IL20RA: variants seen among roughly 807,000 people sequenced by gnomAD.
The protein encoded by IL20RA is interleukin-20 receptor subunit alpha.
IL20RA carries 29 observed loss-of-function variants against 36.5 expected under a neutral mutation model. The ratio of observed to expected loss-of-function variants is 0.79; its 90% CI spans 0.59 to 1.08. The LOEUF (loss-of-function observed/expected upper bound fraction) is 1.08. Among genes scored for constraint, IL20RA ranks in the 50% least tolerant of loss-of-function variants. The pLI is 0.00. For synonymous variants in IL20RA, 279 were observed against 267.1 expected (o/e 1.04, Z -0.43); for missense variants, 652 against 668.4 (o/e 0.98, Z 0.27).
intron 6 of IL20RA, 80 bp from the exon 7 acceptor site, chr6:137,002,435 T>A: frequency 1.1e-6 from 1 of 916,102 alleles, no homozygotes. Context: ...GAATATCTTG[T>A]CACCAGACAG....
chr6:137,002,664 T>C (rs1200070204), intron 6 of IL20RA, among the ~76,000 whole-genome samples: 1 of 152,210 alleles, frequency 6.6e-6, no homozygotes, highest in Non-Finnish European at 1.5e-5. Context: ...TTTCTTGACC[T>C]TTTTTACATT....
intron 1 of IL20RA, among the ~76,000 whole-genome samples, chr6:137,043,754 AG>A (rs1461080102): frequency 6.6e-6 from 1 of 152,210 alleles, no homozygotes; most frequent in Non-Finnish European, 1.5e-5. Flanking sequence ...GTGTCTACAA[AG>A]CACAGTATTT....
chr6:137,013,951 C>T (rs1478769404), intron 2 of IL20RA, among the ~76,000 whole-genome samples: 1 of 152,234 alleles, frequency 6.6e-6, no homozygotes, highest in African/African-American at 2.4e-5. Context: ...GATCTGCTCA[C>T]ACGAAGCAGT....
intron 6 of IL20RA, among the ~76,000 whole-genome samples, chr6:137,002,791 G>A (rs1775126311): frequency 6.6e-6 from 1 of 152,174 alleles, no homozygotes; most frequent in African/African-American, 2.4e-5. Context: ...TGGTTACCTG[G>A]GCTACCTGCC....
chr6:137,004,488 T>G, intron 6 of IL20RA, 133 bp downstream of exon 6: 1 of 957,654 alleles, frequency 1.0e-6, no homozygotes, highest in East Asian at 2.5e-5. Context: ...GAAACTGTTT[T>G]TTAATTCACC....
At chr6:137,031,268 A>G (rs1776267782) in intron 1 of IL20RA, among the ~76,000 whole-genome samples, 1 of 152,214 alleles carries the variant, frequency 6.6e-6, no homozygotes. Context: ...TAAATTAACA[A>G]GCAGTGCTGT....
rs749979443 is a variant in IL20RA, at chr6:137,008,787, T to A, written c.580-44A>T. 3.4e-6 allele frequency: 5 copies of A among 1,474,476 alleles called. No individual in the cohort carries two copies. In the South Asian group the frequency reaches 5.9e-5, roughly 17 times the overall value. The allele number at this position is 1,474,476 out of a possible 1,614,324, so 91.3% of individuals were successfully genotyped here. ...AACATTGGTTAGAGCCAGACATTTC[T>A]GGGACCACCCCAGACAAATAACTGT... is the stretch of plus-strand genomic sequence containing the variant. On this transcript the variant is annotated intron_variant, in intron 4 of 6. Coordinates refer to ENST00000316649, the MANE Select transcript of IL20RA (RefSeq NM_014432.4).
At chr6:137,009,210 T>C in intron 4 of IL20RA, 107 bp downstream of exon 4, 1 of 971,372 alleles carries the variant, frequency 1.0e-6, no homozygotes, top group Non-Finnish European at 1.7e-6. Context: ...TTGAACATCA[T>C]GACTTCCCAG....
At chr6:137,044,129 G>C (rs114954770) in intron 1 of IL20RA, 2 of 985,658 alleles carry the variant, frequency 2.0e-6, no homozygotes, top group Non-Finnish European at 2.4e-6. Flanking sequence ...TGTTCCTTCG[G>C]GGCTGACCCT....
intron 1 of IL20RA, among the ~76,000 whole-genome samples, chr6:137,031,762 A>T (rs930266739): frequency 6.6e-6 from 1 of 151,724 alleles, no homozygotes; most frequent in African/African-American, 2.4e-5. Flanking sequence ...GAGGATGGTT[A>T]TCCAGTATGA....
At chr6:137,020,278 C>T (rs1775849441) in intron 1 of IL20RA, among the ~76,000 whole-genome samples, 1 of 152,152 alleles carries the variant, frequency 6.6e-6, no homozygotes, top group South Asian at 2.1e-4. Context: ...TGACTGCAGC[C>T]CCAGCTTGCC....
intron 1 of IL20RA, among the ~76,000 whole-genome samples, chr6:137,024,033 G>A (rs529139407): frequency 3.6e-4 from 55 of 152,322 alleles, no homozygotes; most frequent in African/African-American, 1.3e-3. Flanking sequence ...GGTGGAGGTT[G>A]CAGTGAGCCA....
intron 1 of IL20RA, among the ~76,000 whole-genome samples, chr6:137,024,074 G>A (rs1404593163): frequency 6.6e-6 from 1 of 152,086 alleles, no homozygotes; most frequent in Admixed American, 6.5e-5. Flanking sequence ...AGCCTGGGTG[G>A]CAGAGTGAGA....
intron 1 of IL20RA, among the ~76,000 whole-genome samples, chr6:137,039,117 G>A (rs542844464): frequency 1.2e-4 from 19 of 152,330 alleles, no homozygotes; most frequent in African/African-American, 4.3e-4. Flanking sequence ...AATCAGGGAG[G>A]TGGTGCTTCC....
In IL20RA at chr6:137,002,048, G is replaced by C. The variant is rs148151877; in HGVS notation, c.1172C>G (p.Thr391Arg). 7 of 1,614,050 alleles carry C rather than the reference G, an allele frequency of 4.3e-6. No individual in the cohort carries two copies. In the African/African-American group the frequency reaches 9.3e-5, roughly 22 times the overall value. Residue 391 changes from threonine (T) to arginine (R), a missense_variant, in exon 7 of 7, where the codon ACA becomes AGA. Transcript: ENST00000316649. Reference sequence around the variant, plus strand: ...AATGACTGTTTTATCCGGGGGTATTGTTCTGCTGAGGGACTCTTGCTGGGT... The same window carrying C: ...AATGACTGTTTTATCCGGGGGTATTCTTCTGCTGAGGGACTCTTGCTGGGT... ...SLTQQESLSR[T>R]IPPDKTVIEY...
chr6:137,010,456 A>G (rs779255819), intron 3 of IL20RA, among the ~76,000 whole-genome samples: 2 of 151,980 alleles, frequency 1.3e-5, no homozygotes, highest in African/African-American at 2.4e-5. Flanking sequence ...AAATATAAAT[A>G]CCATTCTTAA....
chr6:137,024,085 CT>C (rs1776004520), intron 1 of IL20RA, among the ~76,000 whole-genome samples: 1 of 152,034 alleles, frequency 6.6e-6, no homozygotes, highest in South Asian at 2.1e-4. Context: ...CAGAGTGAGA[CT>C]CTATCTAAAA....
intron 6 of IL20RA, among the ~76,000 whole-genome samples, chr6:137,003,303 G>A (rs1214728399): frequency 5.3e-5 from 8 of 152,180 alleles, no homozygotes; most frequent in Admixed American, 3.9e-4. Flanking sequence ...TCATGTACAC[G>A]TGAACACATC....
intron 1 of IL20RA, among the ~76,000 whole-genome samples, chr6:137,031,362 GGTGCACACTTCAGAAATAATGTCAC>G: frequency 6.6e-6 from 1 of 152,226 alleles, no homozygotes; most frequent in African/African-American, 2.4e-5. Flanking sequence ...TTAAACCACT[GGTGCACACTTCAGAAATAATGTCAC>G]GTGCTGCAAA....
Sources: allele counts gnomAD v4.1 joint callset (sites outside exome capture counted in the v4.1 genomes callset), GRCh38; gene constraint gnomAD v4.1.1; transcripts MANE v1.5; gene names NCBI Gene and HGNC (gene_info 2026-07-23, HGNC 2026-07-21).